The following EGF variants were observed in gnomAD, a reference collection of about 807,000 sequenced individuals.
The protein encoded by EGF is epidermal growth factor.
Under a neutral mutation model 143.8 loss-of-function variants are expected in EGF, and 95 were observed. That is an observed-to-expected ratio of 0.66 (90% CI 0.56 to 0.78). EGF has a LOEUF of 0.78. Ranked by LOEUF, EGF falls within the 30% of genes least tolerant of loss-of-function variation. EGF has a pLI of 0.00. For synonymous variants in EGF, 510 were observed against 510.5 expected (o/e 1.00, Z 0.01); for missense variants, 1,320 against 1,470.9 (o/e 0.90, Z 1.68).
intron 1 of EGF, among the ~76,000 whole-genome samples, chr4:109,925,924 G>A (rs896439139): frequency 5.9e-5 from 9 of 152,122 alleles, no homozygotes; most frequent in African/African-American, 1.4e-4. Context: ...AGTTGAAACT[G>A]GAATTGCATC....
intron 1 of EGF, among the ~76,000 whole-genome samples, chr4:109,938,619 C>A (rs1741317934): frequency 6.6e-6 from 1 of 152,170 alleles, no homozygotes; most frequent in African/African-American, 2.4e-5. Context: ...AATTTTCAGC[C>A]TTTTTGCTCT....
chr4:110,008,287 T>C (rs142369239), intron 23 of EGF, 57 bp downstream of exon 23: 1 of 1,594,836 alleles, frequency 6.3e-7, no homozygotes, highest in Non-Finnish European at 8.6e-7. Flanking sequence ...ATCCTGACTG[T>C]TTTTCAATGA....
intron 13 of EGF, among the ~76,000 whole-genome samples, chr4:109,976,590 G>A (rs943630000): frequency 2.0e-5 from 3 of 152,196 alleles, no homozygotes; most frequent in African/African-American, 7.2e-5. Context: ...AGGCATGAAT[G>A]AATGTCAGTT....
intron 5 of EGF, among the ~76,000 whole-genome samples, chr4:109,948,154 G>T (rs1357166983): frequency 1.3e-5 from 2 of 152,196 alleles, no homozygotes; most frequent in East Asian, 1.9e-4. Context: ...AATAGAATTG[G>T]CTGGAAAGCC....
chr4:109,967,973 T>A (rs1435649344), intron 10 of EGF, among the ~76,000 whole-genome samples: 2 of 152,208 alleles, frequency 1.3e-5, no homozygotes, highest in Non-Finnish European at 1.5e-5. Context: ...AACTGGAAGT[T>A]GCACTGGATG....
In EGF at chr4:109,981,692, T is replaced by C. The variant is rs137997141; in HGVS notation, c.2371+717T>C. ...GTGTAAATATAAGTAAAGTAACAGA[T>C]TGATGAAAAATAAACAAAAGTTATG... On this transcript the variant is annotated intron_variant, in intron 15 of 23. Transcript: ENST00000265171. 1.2e-3 allele frequency among the ~76,000 whole-genome samples: 183 copies of C among 152,276 alleles called. 1 individual carries two copies. The highest frequency in any genetic ancestry group is 3.8e-3 in the African/African-American group (158 of 41,558).
chr4:109,993,987 A>G (rs2126154497), intron 19 of EGF, among the ~76,000 whole-genome samples: 1 of 151,482 alleles, frequency 6.6e-6, no homozygotes, highest in Admixed American at 6.6e-5. Context: ...CCCTATAAGC[A>G]GAAAACATCC....
chr4:109,946,508 CT>C (rs1166700242), intron 5 of EGF, among the ~76,000 whole-genome samples: 1 of 152,130 alleles, frequency 6.6e-6, no homozygotes, highest in Non-Finnish European at 1.5e-5. Context: ...TCAGATAGGT[CT>C]TCTGTGATAA....
intron 11 of EGF, among the ~76,000 whole-genome samples, chr4:109,973,265 C>G (rs1218332418): frequency 2.0e-5 from 3 of 152,166 alleles, no homozygotes; most frequent in Admixed American, 2.0e-4. Flanking sequence ...CATCTCCTGC[C>G]TGCCTCGCCC....
At chr4:109,941,745 G>T (rs1200890117) in intron 2 of EGF, among the ~76,000 whole-genome samples, 4 of 152,116 alleles carry the variant, frequency 2.6e-5, no homozygotes, top group African/African-American at 9.7e-5. Context: ...CACGTAGAAA[G>T]AAAAATTTTC....
chr4:109,974,780 G>A lies in EGF; in HGVS notation c.1802G>A (p.Arg601Gln), dbSNP rs760585665. 6 of 1,613,222 alleles carry A rather than the reference G, an allele frequency of 3.7e-6. No individual in the cohort carries two copies. In the African/African-American group the frequency reaches 4.0e-5, roughly 11 times the overall value. Residue 601 changes from arginine (R) to glutamine (Q), a missense_variant, in exon 12 of 24, where the codon CGA becomes CAA. Transcript: ENST00000265171. Reference protein sequence around the residue: ...IITKENISQPRGIAVHPMAKR... With the variant: ...IITKENISQPQGIAVHPMAKR... ...ACTAAGGAGAACATCTCTCAACCAC[G>A]AGGAATTGCTGTTCATCCAATGGCC...
At chr4:109,988,001 A>C in intron 17 of EGF, 141 bp downstream of exon 17, 1 of 707,760 alleles carries the variant, frequency 1.4e-6, no homozygotes, top group South Asian at 1.5e-5. Flanking sequence ...CTAAAAAAAA[A>C]AATTGAATGA....
intron 11 of EGF, among the ~76,000 whole-genome samples, chr4:109,972,153 T>C (rs1747757298): frequency 6.6e-6 from 1 of 152,144 alleles, no homozygotes; most frequent in Admixed American, 6.5e-5. Flanking sequence ...AATTAGATAA[T>C]GGTTAGAGAG....
At chr4:109,917,624 T>C (rs911954950) in intron 1 of EGF, among the ~76,000 whole-genome samples, 32 of 152,144 alleles carry the variant, frequency 2.1e-4, no homozygotes, top group Non-Finnish European at 3.5e-4. Context: ...GTTTTTTATT[T>C]TTATTTTTAT....
chr4:109,916,201 C>T (rs1579423614), intron 1 of EGF, among the ~76,000 whole-genome samples: 3 of 152,282 alleles, frequency 2.0e-5, no homozygotes, highest in Admixed American at 2.0e-4. Flanking sequence ...GATTTCAGTA[C>T]CGGCTAAGGC....
At chr4:109,981,028 C>T (rs1749286080) in intron 15 of EGF, 53 bp downstream of exon 15, 1 of 1,604,988 alleles carries the variant, frequency 6.2e-7, no homozygotes, top group African/African-American at 1.3e-5. Flanking sequence ...AGAAATACAG[C>T]TGTACATCAA....
At chr4:109,954,472 T>G (rs532848344) in intron 5 of EGF, among the ~76,000 whole-genome samples, 1 of 152,346 alleles carries the variant, frequency 6.6e-6, no homozygotes, top group Admixed American at 6.5e-5. Flanking sequence ...TTTTTCTTTT[T>G]TTACTGTAAT....
chr4:109,933,333 AG>A (rs1368515295), intron 1 of EGF, among the ~76,000 whole-genome samples: 1 of 151,932 alleles, frequency 6.6e-6, no homozygotes, highest in African/African-American at 2.4e-5. Flanking sequence ...TAATAATTTG[AG>A]TGAATTCTCT....
intron 17 of EGF, 88 bp downstream of exon 17, chr4:109,987,948 G>A: frequency 9.6e-7 from 1 of 1,044,990 alleles, no homozygotes; most frequent in South Asian, 1.3e-5. Context: ...ACTCCAGAAG[G>A]ATTTATGTAA....
Sources: gnomAD v4.1 joint callset for allele counts (sites outside exome capture counted in the v4.1 genomes callset) on GRCh38, gnomAD v4.1.1 for gene constraint, MANE v1.5 for transcripts, NCBI Gene and HGNC (gene_info 2026-07-23, HGNC 2026-07-21) for gene names.